Variants in GRK5 observed in about 807,000 individuals in gnomAD.
GRK5 encodes the protein g protein-coupled receptor kinase GRK5.
Under a neutral mutation model 78.4 loss-of-function variants are expected in GRK5, and 40 were observed. The ratio of observed to expected loss-of-function variants is 0.51; its 90% CI spans 0.40 to 0.66. The LOEUF (loss-of-function observed/expected upper bound fraction) is 0.66. GRK5 is among the 30% of genes least tolerant of loss of function. The pLI is 0.00. For missense variants in GRK5, 598 were observed against 759.9 expected (o/e 0.79, Z 2.50); for synonymous variants, 289 against 296.8 (o/e 0.97, Z 0.27).
At chr10:119,429,016 T>C (rs1422592453) in intron 6 of GRK5, among the ~76,000 whole-genome samples, 1 of 152,236 alleles carries the variant, frequency 6.6e-6, no homozygotes, top group African/African-American at 2.4e-5. Flanking sequence ...GGGGCGGCTG[T>C]AGGGAAGGCT....
chr10:119,358,502 A>C (rs1264389738), intron 2 of GRK5, among the ~76,000 whole-genome samples: 1 of 152,042 alleles, frequency 6.6e-6, no homozygotes, highest in African/African-American at 2.4e-5. Flanking sequence ...CCTTGCCCCC[A>C]GGAATTGAGG....
intron 1 of GRK5, among the ~76,000 whole-genome samples, chr10:119,254,160 C>T (rs1343526285): frequency 6.6e-6 from 1 of 152,132 alleles, no homozygotes; most frequent in Non-Finnish European, 1.5e-5. Context: ...TTGAAAAATG[C>T]TTTCAGAATC....
intron 1 of GRK5, among the ~76,000 whole-genome samples, chr10:119,260,291 G>T (rs1589707342): frequency 6.6e-6 from 1 of 151,498 alleles, no homozygotes; most frequent in Non-Finnish European, 1.5e-5. Flanking sequence ...GTGAGCCGCC[G>T]CACCGGCCAA....
chr10:119,215,490 A>G (rs1199165607), intron 1 of GRK5, among the ~76,000 whole-genome samples: 4 of 138,364 alleles, frequency 2.9e-5, no homozygotes, highest in African/African-American at 1.1e-4. Context: ...GAAGGAGAAA[A>G]TAGGGAAGGG....
At chr10:119,394,115 G>GTGT (rs1564916605) in intron 3 of GRK5, among the ~76,000 whole-genome samples, 1 of 132,648 alleles carries the variant, frequency 7.5e-6, no homozygotes, top group Non-Finnish European at 1.6e-5. Flanking sequence ...CTGTGTGGGG[G>GTGT]GTGTGTGTGT....
chr10:119,298,141 C>T (rs1207158500), intron 1 of GRK5, among the ~76,000 whole-genome samples: 1 of 152,192 alleles, frequency 6.6e-6, no homozygotes, highest in African/African-American at 2.4e-5. Context: ...CTATGCTCAG[C>T]ACTGTACATA....
At chr10:119,429,343 C>A (rs186477405) in intron 6 of GRK5, among the ~76,000 whole-genome samples, 1 of 130,164 alleles carries the variant, frequency 7.7e-6, no homozygotes, top group Non-Finnish European at 1.6e-5. Flanking sequence ...TCATCCTCAG[C>A]TGACCCAGTT....
chr10:119,216,827 C>A (rs1450005498), intron 1 of GRK5, among the ~76,000 whole-genome samples: 1 of 152,002 alleles, frequency 6.6e-6, no homozygotes, highest in East Asian at 1.9e-4. Flanking sequence ...TGGTGGGTGC[C>A]TATAATAATC....
chr10:119,275,613 G>GCGCACACACACACACA lies in GRK5; in HGVS notation c.53-50902_53-50901insGCACACACACACACAC, dbSNP rs1195537574. On this transcript the variant is annotated intron_variant, in intron 1 of 15. Coordinates refer to ENST00000392870, the MANE Select transcript of GRK5 (RefSeq NM_005308.3). ...CTCTCTCTCTCTCTCTCTCTCTCTC[G>GCGCACACACACACACA]CACACACACACACACACACACACAC... Among the ~76,000 whole-genome samples the GCGCACACACACACACA allele has an allele frequency of 2.8e-3, 333 of 120,746 alleles. 2 individuals are homozygous for GCGCACACACACACACA. The highest frequency in any genetic ancestry group is 4.0e-3 in the Non-Finnish European group (220 of 54,622). The allele number at this position is 120,746 out of a possible 152,430, so 79.2% of individuals were successfully genotyped here. A position where few individuals can be genotyped will look rare whatever the true frequency, so the allele number is the denominator to read the frequency against.
rs114330445 is a variant in GRK5, at chr10:119,452,572, G to A, written c.1405-99G>A. 1 of 1,430,170 alleles carries A rather than the reference G, an allele frequency of 7.0e-7. No homozygotes were observed. The highest frequency in any genetic ancestry group is 1.4e-5 in the African/African-American group (1 of 71,546). 88.6% of individuals were successfully genotyped at this position (1,430,170 alleles called of 1,614,324 possible). A position where few individuals can be genotyped will look rare whatever the true frequency, so the allele number is the denominator to read the frequency against. ...ATAGCAGTTCTGGGGGTGTGTCCTG[G>A]GAAGACTCCCTTCTGCTCCCCAAAA... On this transcript the variant is annotated intron_variant, in intron 13 of 15. Coordinates refer to ENST00000392870, the MANE Select transcript of GRK5 (RefSeq NM_005308.3). The surrounding 1 kb of genome is among the most constrained non-coding windows in gnomAD (Gnocchi z 4.4).
intron 4 of GRK5, among the ~76,000 whole-genome samples, chr10:119,399,779 G>A (rs1462217790): frequency 3.3e-5 from 5 of 151,890 alleles, no homozygotes; most frequent in Admixed American, 2.6e-4. Context: ...AGCACACTTT[G>A]GGCTACAGAA....
chr10:119,418,512 G>C (rs1025702896), intron 4 of GRK5, among the ~76,000 whole-genome samples: 1 of 152,208 alleles, frequency 6.6e-6, no homozygotes, highest in Non-Finnish European at 1.5e-5. Flanking sequence ...GTCTTCAGCT[G>C]TCCCAGAGAG....
intron 2 of GRK5, among the ~76,000 whole-genome samples, chr10:119,366,384 C>T (rs1851450368): frequency 6.6e-6 from 1 of 152,114 alleles, no homozygotes; most frequent in South Asian, 2.1e-4. Context: ...AGAGAATTTA[C>T]AGCTTAGTTG....
At chr10:119,361,393 G>A (rs1851360142) in intron 2 of GRK5, among the ~76,000 whole-genome samples, 1 of 152,242 alleles carries the variant, frequency 6.6e-6, no homozygotes, top group African/African-American at 2.4e-5. Context: ...TACTCAGCAA[G>A]CCCTGACCAC....
intron 1 of GRK5, 26 bp downstream of exon 1, chr10:119,207,995 C>T (rs1270237172): frequency 1.9e-6 from 3 of 1,596,804 alleles, no homozygotes; most frequent in East Asian, 4.6e-5. Flanking sequence ...GGTACGTGCC[C>T]GGCGCGTCCG....
chr10:119,397,146 C>T (rs963564767), intron 4 of GRK5, among the ~76,000 whole-genome samples: 1 of 152,016 alleles, frequency 6.6e-6, no homozygotes, highest in Non-Finnish European at 1.5e-5. Context: ...GAGAGGTCAG[C>T]GTGGAGGGGA....
intron 4 of GRK5, among the ~76,000 whole-genome samples, chr10:119,414,768 T>C (rs1162343599): frequency 6.6e-6 from 1 of 151,936 alleles, no homozygotes; most frequent in Admixed American, 6.6e-5. Flanking sequence ...ACCTGGCATA[T>C]CATAAGTGGG....
rs1375322483 is a variant in GRK5 at position 119,458,043 on chromosome 10, T to G, written c.*2976T>G. On this transcript the variant is annotated 3_prime_UTR_variant, in exon 16 of 16. Transcript: ENST00000392870. ...TTTTAAAATTAAAAGCAAACAACAC[T>G]GTCCACCCATCTACCTGTCCAGGAT... is the stretch of plus-strand genomic sequence containing the variant. The G allele has an allele frequency of 6.6e-6, 1 of 152,240 alleles. No homozygotes were observed. The highest frequency in any genetic ancestry group is 1.5e-5 in the Non-Finnish European group (1 of 68,040). The allele number at this position is 152,240 out of a possible 1,614,324, so 9.4% of individuals were successfully genotyped here.
At chr10:119,406,453 G>C in intron 4 of GRK5, 1 of 971,256 alleles carries the variant, frequency 1.0e-6, no homozygotes, top group Non-Finnish European at 1.2e-6. Context: ...TGAAATATGG[G>C]AAGCTTGGGC....
Sources: allele counts gnomAD v4.1 joint callset (sites outside exome capture counted in the v4.1 genomes callset), GRCh38; gene constraint gnomAD v4.1.1; non-coding constraint Gnocchi (gnomAD v3.1); transcripts MANE v1.5; gene names NCBI Gene and HGNC (gene_info 2026-07-23, HGNC 2026-07-21).